LRRC43: variants seen among roughly 807,000 people sequenced by gnomAD.
LRRC43 encodes the protein leucine rich repeat containing 43, also known as leucine-rich repeat-containing protein 43.
In LRRC43, 62 loss-of-function variants were observed where a neutral mutation model predicts 64.3. The observed-to-expected ratio is 0.96, with a 90% CI of 0.79 to 1.19. The LOEUF is 1.19. Among genes scored for constraint, LRRC43 ranks in the 50% most tolerant of loss-of-function variants. LRRC43 has a pLI of 0.00. For synonymous variants in LRRC43, 422 were observed against 382.3 expected (o/e 1.10, Z -1.21); for missense variants, 868 against 845.0 (o/e 1.03, Z -0.34).
chr12:122,196,882 G>GC (rs1466739374), intron 7 of LRRC43, among the ~76,000 whole-genome samples: 3 of 152,148 alleles, frequency 2.0e-5, no homozygotes, highest in Non-Finnish European at 2.9e-5. Flanking sequence ...ACAAATCTCT[G>GC]CCCCTAGGAT....
chr12:122,178,505 A>AT (rs1953555863), upstream of LRRC43, among the ~76,000 whole-genome samples: 1 of 151,622 alleles, frequency 6.6e-6, no homozygotes, highest in Non-Finnish European at 1.5e-5. Flanking sequence ...GAAGAGGGTA[A>AT]TAGTGATAGT....
chr12:122,186,314 G>A lies in LRRC43; in HGVS notation c.522+14G>A, dbSNP rs779461164. 2.3e-5 allele frequency: 36 copies of A among 1,540,618 alleles called. No homozygotes were observed. Among genetic ancestry groups the A allele is most frequent in the South Asian group, 1.5e-4 (13 of 84,708 alleles). The stretch of plus-strand genomic sequence containing the variant: ...CCCACACTCAAGGTGAAGGAGCCCC[G>A]GTCTGTGTTGAGTATTTGGGCCTCC... On this transcript the variant is annotated intron_variant, in intron 3 of 11. Transcript: ENST00000339777.
chr12:122,186,775 C>A (rs956033770), intron 3 of LRRC43, among the ~76,000 whole-genome samples: 1 of 152,104 alleles, frequency 6.6e-6, no homozygotes, highest in Non-Finnish European at 1.5e-5. Context: ...AAAAATTAGC[C>A]GGGTGTGGTG....
chr12:122,183,117 G>A, upstream of LRRC43: 1 of 1,527,952 alleles, frequency 6.5e-7, no homozygotes, highest in Non-Finnish European at 8.7e-7. Flanking sequence ...ACGCGTCCTA[G>A]CGGTTGCCGG....
chr12:122,202,928 C>T (rs1487834360), intron 11 of LRRC43, among the ~76,000 whole-genome samples: 1 of 152,104 alleles, frequency 6.6e-6, no homozygotes, highest in African/African-American at 2.4e-5. Context: ...CCCGTCTCTA[C>T]TAAAACTACA....
intron 4 of LRRC43, chr12:122,189,304 T>TG (rs1431150630): frequency 6.1e-5 from 25 of 407,836 alleles, no homozygotes; most frequent in Admixed American, 5.4e-4. Flanking sequence ...GGCATGCCCT[T>TG]GGGGGGTCCA....
intron 1 of LRRC43, among the ~76,000 whole-genome samples, chr12:122,176,965 C>A (rs1953541836): frequency 1.3e-5 from 2 of 152,108 alleles, no homozygotes; most frequent in Admixed American, 6.6e-5. Flanking sequence ...CGCCAGCCAC[C>A]ACTGACTTTT....
intron 7 of LRRC43, among the ~76,000 whole-genome samples, chr12:122,199,528 T>C (rs550845880): frequency 7.5e-4 from 114 of 151,946 alleles, no homozygotes; most frequent in African/African-American, 2.5e-3. Flanking sequence ...GTGATCTGCC[T>C]GCCTCTGCCT....
rs766139615 is a variant in LRRC43, at chr12:122,172,614, A to G, written c.-406+4832A>G. On this transcript the variant is annotated intron_variant, in intron 1 of 5. Transcript: ENST00000537729. ...CTCATCAATAACAGATTTGTTGTCT[A>G]GCTGTCTGATTGTCTTGAGATATGC... 3 of 1,614,124 alleles carry G rather than the reference A, an allele frequency of 1.9e-6. No homozygotes were observed. In the East Asian group the frequency reaches 6.7e-5, roughly 36 times the overall value.
rs1296495137 is a variant in LRRC43, at chr12:122,172,474, A to C, written c.-406+4692A>C. The C allele has an allele frequency of 4.3e-6, 7 of 1,614,080 alleles. No individual in the cohort carries two copies. The highest frequency in any genetic ancestry group is 1.3e-5 in the African/African-American group (1 of 74,928). ...TTTAGTGCGAGGTCCATGCACTCTG[A>C]AAACTGTTGAGAAATAGTCAGGATG... On this transcript the variant is annotated intron_variant, in intron 1 of 5. Coordinates refer to the LRRC43 transcript ENST00000537729.
At chr12:122,187,108 G>A (rs980281587) in intron 3 of LRRC43, among the ~76,000 whole-genome samples, 7 of 151,268 alleles carry the variant, frequency 4.6e-5, no homozygotes, top group Non-Finnish European at 1.0e-4. Flanking sequence ...GCTGGTGCCT[G>A]TAATAGCAGC....
chr12:122,191,543 T>C lies in LRRC43; in HGVS notation c.1065T>C (p.Asn355=), dbSNP rs1593150224. 6.2e-7 allele frequency: 1 copy of C among 1,614,080 alleles called. No individual in the cohort carries two copies. Among genetic ancestry groups the C allele is most frequent in the Non-Finnish European group, 8.5e-7 (1 of 1,179,992 alleles). The part of the protein sequence containing the change: ...DFVKDEEGEM[N]ESAGVLAEIV... Reference sequence around the variant, plus strand: ...TGAAAGATGAAGAAGGCGAAATGAATGAGTCCGCGGGCGTCCTGGCCGAGG... The same window carrying C: ...TGAAAGATGAAGAAGGCGAAATGAACGAGTCCGCGGGCGTCCTGGCCGAGG... Residue 355 remains asparagine (N), a synonymous_variant, in exon 6 of 12, where the codon AAT becomes AAC. Transcript: ENST00000339777.
Position 122,200,691 on chromosome 12 carries a change from C to A in LRRC43, c.1620+31C>A, listed in dbSNP as rs900260575. ...GGGCCTTGGTGCTGGGGAGGGCAGCCTGGCCACACCCTTGCTTCAACTTGT... is the reference window on the plus strand; with the variant it reads ...GGGCCTTGGTGCTGGGGAGGGCAGCATGGCCACACCCTTGCTTCAACTTGT... On this transcript the variant is annotated intron_variant, in intron 9 of 11. Coordinates refer to ENST00000339777, the MANE Select transcript of LRRC43 (RefSeq NM_001098519.2). The surrounding 1 kb of genome is among the most constrained non-coding windows in gnomAD (Gnocchi z 4.6). 1.9e-6 allele frequency: 3 copies of A among 1,613,184 alleles called. No homozygotes were observed. Among genetic ancestry groups the A allele is most frequent in the African/African-American group, 2.7e-5 (2 of 74,890 alleles).
chr12:122,170,567 C>A (rs1056212430), intron 1 of LRRC43, among the ~76,000 whole-genome samples: 3 of 150,722 alleles, frequency 2.0e-5, no homozygotes, highest in Non-Finnish European at 3.0e-5. Flanking sequence ...GGAGGCGGAG[C>A]TTGCAGTGAG....
intron 7 of LRRC43, among the ~76,000 whole-genome samples, chr12:122,198,409 A>G (rs534624387): frequency 2.0e-5 from 3 of 152,218 alleles, no homozygotes; most frequent in Admixed American, 2.0e-4. Flanking sequence ...ATCACCCCAG[A>G]AAGGTACCCA....
At chr12:122,193,438 G>A (rs1209446741) in intron 7 of LRRC43, among the ~76,000 whole-genome samples, 1 of 148,856 alleles carries the variant, frequency 6.7e-6, no homozygotes, top group Non-Finnish European at 1.5e-5. Context: ...CTGTGCTGGC[G>A]GCATTTAGAT....
intron 7 of LRRC43, among the ~76,000 whole-genome samples, chr12:122,193,274 G>A (rs187164581): frequency 0.042 from 6,315 of 151,406 alleles, 203 homozygotes; most frequent in Admixed American, 0.1. Context: ...CCAGCTACTC[G>A]GGAGGCTGAG....
At chr12:122,201,780 G>T (rs1361174686) in intron 11 of LRRC43, among the ~76,000 whole-genome samples, 1 of 152,182 alleles carries the variant, frequency 6.6e-6, no homozygotes, top group African/African-American at 2.4e-5. Flanking sequence ...TGCCGTGGGA[G>T]GTGGCTGCAA....
chr12:122,192,954 G>A lies in LRRC43; in HGVS notation c.1299G>A (p.Glu433=), dbSNP rs1227828969. The A allele has an allele frequency of 1.2e-6, 2 of 1,614,110 alleles. No individual in the cohort carries two copies. The highest frequency in any genetic ancestry group is 2.7e-5 in the African/African-American group (2 of 75,026). The part of the protein sequence containing the change: ...ILQMPRASAE[E]LAKLRLRIDP... ...AGATGCCGAGGGCCTCTGCAGAAGA[G>A]CTGGCCAAGTTGAGGCTGCGTATAG... Residue 433 remains glutamate, a synonymous_variant, in exon 7 of 12, where the codon GAG becomes GAA. Coordinates refer to ENST00000339777, the MANE Select transcript of LRRC43 (RefSeq NM_001098519.2).
Sources: allele counts gnomAD v4.1 joint callset (sites outside exome capture counted in the v4.1 genomes callset), GRCh38; gene constraint gnomAD v4.1.1; non-coding constraint Gnocchi (gnomAD v3.1); transcripts MANE v1.5; gene names NCBI Gene and HGNC (gene_info 2026-07-23, HGNC 2026-07-21).